SDC2: variants seen among roughly 807,000 people sequenced by gnomAD.
SDC2 encodes the protein syndecan-2.
A neutral mutation model predicts 22.2 loss-of-function variants in SDC2; 13 were observed. That is an observed-to-expected ratio of 0.59 (90% CI 0.38 to 0.93). The LOEUF is 0.93. Ranked by LOEUF, SDC2 falls within the 40% of genes least tolerant of loss-of-function variation. The pLI is 0.00. For missense variants in SDC2, 235 were observed against 246.8 expected (o/e 0.95, Z 0.32); for synonymous variants, 94 against 92.8 (o/e 1.01, Z -0.07).
chr8:96,545,618 G>A (rs1813919079), intron 1 of SDC2, among the ~76,000 whole-genome samples: 1 of 152,220 alleles, frequency 6.6e-6, no homozygotes, highest in Non-Finnish European at 1.5e-5. Context: ...GCTTTCAGTG[G>A]AAGATTATTT....
chr8:96,592,010 G>A (rs1814789349), intron 1 of SDC2, among the ~76,000 whole-genome samples: 2 of 152,188 alleles, frequency 1.3e-5, no homozygotes, highest in African/African-American at 4.8e-5. Context: ...CAGTGAAACA[G>A]GGTGGCGTCA....
intron 1 of SDC2, among the ~76,000 whole-genome samples, chr8:96,555,659 GAT>G (rs1814096510): frequency 6.6e-6 from 1 of 152,134 alleles, no homozygotes; most frequent in Non-Finnish European, 1.5e-5. Context: ...CTTTCCCTTT[GAT>G]GTGTAATACG....
In SDC2 at chr8:96,494,019, G is replaced by T; in HGVS notation, c.-253G>T. On this transcript the variant is annotated 5_prime_UTR_variant, in exon 1 of 5. Coordinates refer to ENST00000302190, the MANE Select transcript of SDC2 (RefSeq NM_002998.4). The stretch of plus-strand genomic sequence containing the variant: ...GCAGCCTTCCCGGAGCACCAACTCC[G>T]TGTCGGGAGTGCAGAAACCAACAAG... 1 of 532,734 alleles carries T rather than the reference G, an allele frequency of 1.9e-6. No individual in the cohort carries two copies. The highest frequency in any genetic ancestry group is 3.3e-6 in the Non-Finnish European group (1 of 305,734). The allele number at this position is 532,734 out of a possible 1,614,324, so 33.0% of individuals were successfully genotyped here. A position where few individuals can be genotyped will look rare whatever the true frequency, so the allele number is the denominator to read the frequency against.
At chr8:96,563,300 A>G (rs1170044390) in intron 1 of SDC2, among the ~76,000 whole-genome samples, 1 of 151,932 alleles carries the variant, frequency 6.6e-6, no homozygotes, top group Admixed American at 6.6e-5. Context: ...AGAGCTCCCA[A>G]TTTTCAGGGA....
intron 1 of SDC2, among the ~76,000 whole-genome samples, chr8:96,524,348 G>C (rs978474852): frequency 6.6e-6 from 1 of 152,154 alleles, no homozygotes; most frequent in Non-Finnish European, 1.5e-5. Flanking sequence ...GGGAGCTGCT[G>C]CTCGCTGTCT....
chr8:96,583,834 A>C (rs1188981905), intron 1 of SDC2, among the ~76,000 whole-genome samples: 1 of 152,026 alleles, frequency 6.6e-6, no homozygotes, highest in African/African-American at 2.4e-5. Context: ...GTGGTATATG[A>C]TTTTTAATGG....
intron 3 of SDC2, among the ~76,000 whole-genome samples, chr8:96,604,459 G>C (rs955181271): frequency 6.6e-6 from 1 of 152,052 alleles, no homozygotes; most frequent in Non-Finnish European, 1.5e-5. Context: ...ATTATGTGTC[G>C]AACACTGTTT....
At chr8:96,532,554 A>ACAGAAGGGAGGG (rs1325220046) in intron 1 of SDC2, among the ~76,000 whole-genome samples, 1 of 151,778 alleles carries the variant, frequency 6.6e-6, no homozygotes, top group Non-Finnish European at 1.5e-5. Context: ...GTGTTGTGGA[A>ACAGAAGGGAGGG]CAGAAGGGAG....
chr8:96,591,048 G>C (rs568123989), intron 1 of SDC2, among the ~76,000 whole-genome samples: 1 of 152,300 alleles, frequency 6.6e-6, no homozygotes, highest in South Asian at 2.1e-4. Context: ...TGAACGGTGA[G>C]GTGGCTAGAA....
At position 96,506,499 on chromosome 8, in the gene SDC2, C is replaced by T. The variant is rs182345370; in HGVS notation, c.60+12168C>T. Among the ~76,000 whole-genome samples the T allele has an allele frequency of 1.7e-3, 259 of 151,994 alleles. 1 individual carries two copies. The highest frequency in any genetic ancestry group is 4.3e-3 in the African/African-American group (177 of 41,448). On this transcript the variant is annotated intron_variant, in intron 1 of 4. Coordinates refer to ENST00000302190, the MANE Select transcript of SDC2 (RefSeq NM_002998.4). ...GTATCCGGTGAAAACTTATAAGAGA[C>T]GGAGTCTCATTCTGTTGCCCAGGCT...
chr8:96,575,168 C>A (rs1319139484), intron 1 of SDC2, among the ~76,000 whole-genome samples: 4 of 152,116 alleles, frequency 2.6e-5, no homozygotes, highest in Non-Finnish European at 5.9e-5. Flanking sequence ...TTCTAGACAA[C>A]CAGAAATCTA....
At chr8:96,560,993 G>A (rs1405319083) in intron 1 of SDC2, among the ~76,000 whole-genome samples, 1 of 152,104 alleles carries the variant, frequency 6.6e-6, no homozygotes, top group Non-Finnish European at 1.5e-5. Flanking sequence ...AATCCCAGCT[G>A]CTCAGGAGGC....
chr8:96,584,175 C>T (rs1032448598), intron 1 of SDC2, among the ~76,000 whole-genome samples: 6 of 152,238 alleles, frequency 3.9e-5, no homozygotes, highest in Non-Finnish European at 8.8e-5. Context: ...TCAGTTCTAG[C>T]TCAGACCTCT....
At chr8:96,540,465 C>T (rs185729680) in intron 1 of SDC2, among the ~76,000 whole-genome samples, 3,008 of 95,452 alleles carry the variant, frequency 0.032, 104 homozygotes, top group African/African-American at 0.076. Context: ...AGCCAAGATC[C>T]GAGCTACTGC....
chr8:96,521,626 A>G (rs1813499074), intron 1 of SDC2, among the ~76,000 whole-genome samples: 1 of 152,188 alleles, frequency 6.6e-6, no homozygotes. Context: ...AAATATGTCT[A>G]TTTAGAGTTC....
intron 1 of SDC2, among the ~76,000 whole-genome samples, chr8:96,592,017 G>A (rs1248027366): frequency 1.3e-5 from 2 of 152,198 alleles, no homozygotes; most frequent in Non-Finnish European, 2.9e-5. Context: ...ACAGGGTGGC[G>A]TCAGATTGCA....
intron 1 of SDC2, among the ~76,000 whole-genome samples, chr8:96,530,428 G>T (rs1483940257): frequency 3.9e-5 from 6 of 152,304 alleles, no homozygotes; most frequent in African/African-American, 1.4e-4. Flanking sequence ...GAGATCAGGA[G>T]TTCGAGATCA....
At chr8:96,597,637 G>A (rs1186778192) in intron 2 of SDC2, among the ~76,000 whole-genome samples, 1 of 152,158 alleles carries the variant, frequency 6.6e-6, no homozygotes, top group South Asian at 2.1e-4. Context: ...GCAGATGCTC[G>A]AACAATGGCA....
intron 1 of SDC2, among the ~76,000 whole-genome samples, chr8:96,544,183 A>G (rs1256084500): frequency 6.7e-6 from 1 of 149,544 alleles, no homozygotes; most frequent in Non-Finnish European, 1.5e-5. Flanking sequence ...CCTTGTTAGG[A>G]AAAAAAAATA....
Sources: allele counts gnomAD v4.1 joint callset (sites outside exome capture counted in the v4.1 genomes callset), GRCh38; gene constraint gnomAD v4.1.1; transcripts MANE v1.5; gene names NCBI Gene and HGNC (gene_info 2026-07-23, HGNC 2026-07-21).